The following EFCAB8 variants were observed in gnomAD, a reference collection of about 807,000 sequenced individuals.
EFCAB8 encodes EF-hand calcium binding domain 8.
EFCAB8 carries 100 observed loss-of-function variants against 116.3 expected under a neutral mutation model. That is an observed-to-expected ratio of 0.86 (90% CI 0.73 to 1.02). The LOEUF is 1.02. Ranked by LOEUF, EFCAB8 falls within the 50% of genes least tolerant of loss-of-function variation. The pLI is 0.00. For missense variants in EFCAB8, 1,320 were observed against 1,416.9 expected (o/e 0.93, Z 1.10); for synonymous variants, 558 against 567.9 (o/e 0.98, Z 0.25).
chr20:32,904,501 G>A (rs935241010), intron 11 of EFCAB8, among the ~76,000 whole-genome samples: 3 of 150,162 alleles, frequency 2.0e-5, no homozygotes, highest in Non-Finnish European at 4.4e-5. Context: ...ATCTTGCTGT[G>A]TTGCCCAGGC....
intron 2 of EFCAB8, among the ~76,000 whole-genome samples, chr20:32,866,832 CCTTCCTTCCTTCCTTTCTTT>C: frequency 7.0e-6 from 1 of 143,632 alleles, no homozygotes; most frequent in East Asian, 2.1e-4. Context: ...TTCCTTCCCT[CCTTCCTTCCTTCCTTTCTTT>C]CTCTCTCTCT....
intron 22 of EFCAB8, among the ~76,000 whole-genome samples, chr20:32,940,011 C>CCCTCCCTT (rs1988343849): frequency 3.1e-5 from 2 of 64,634 alleles, no homozygotes; most frequent in Non-Finnish European, 3.0e-5. Context: ...CTGCCTCCCT[C>CCCTCCCTT]CCTCCCTCCC....
intron 7 of EFCAB8, among the ~76,000 whole-genome samples, chr20:32,890,324 C>T (rs900978689): frequency 1.3e-5 from 2 of 152,206 alleles, no homozygotes; most frequent in African/African-American, 2.4e-5. Flanking sequence ...TTTTGGCTCT[C>T]ATCTCAGAAG....
At chr20:32,954,742 T>C (rs1988911383) in intron 23 of EFCAB8, among the ~76,000 whole-genome samples, 1 of 152,182 alleles carries the variant, frequency 6.6e-6, no homozygotes, top group Admixed American at 6.5e-5. Context: ...TTAAAAAAAA[T>C]CATAAATAGG....
chr20:32,939,376 A>G (rs1212447762), intron 22 of EFCAB8, among the ~76,000 whole-genome samples: 3 of 143,780 alleles, frequency 2.1e-5, no homozygotes, highest in Non-Finnish European at 3.0e-5. Flanking sequence ...TCCGCCTCCC[A>G]GGTTCAAACG....
intron 24 of EFCAB8, 68 bp downstream of exon 24, chr20:32,958,618 C>G: frequency 2.4e-6 from 1 of 409,636 alleles, no homozygotes. Context: ...CTTCCCAGGT[C>G]CTGGGAAGCC....
rs546060560 is a variant in EFCAB8 at position 32,938,720 on chromosome 20, A to G, written c.2791-4916A>G. 2.7e-4 allele frequency among the ~76,000 whole-genome samples: 41 copies of G among 150,038 alleles called. 2 individuals are homozygous for G. Among genetic ancestry groups the G allele is most frequent in the Non-Finnish European group, 5.0e-4 (34 of 67,400 alleles). On this transcript the variant is annotated intron_variant, in intron 22 of 26. Transcript: ENST00000400522. The stretch of plus-strand genomic sequence containing the variant: ...TACTTAGGAATAAATTTGGAAAAGT[A>G]GTGCAAAACTTGATTCCTGAAAATT...
In EFCAB8 at chr20:32,943,733, A is replaced by G. The variant is rs1988482791; in HGVS notation, c.2888A>G (p.Asn963Ser). The change falls in exon 23 of 27, where the codon AAC becomes AGC. Residue 963 changes from asparagine to serine, a missense_variant. Transcript: ENST00000400522. ...NSVADILYVDNFQLVISAGQD... is the reference protein window; with the variant it reads ...NSVADILYVDSFQLVISAGQD... ...GTGGCAGACATCCTGTATGTGGACA[A>G]CTTCCAGCTGGTTATCAGCGCTGGC... The G allele has an allele frequency of 2.4e-6, 1 of 416,822 alleles. No homozygotes were observed. 25.8% of individuals were successfully genotyped at this position (416,822 alleles called of 1,614,324 possible). A position where few individuals can be genotyped will look rare whatever the true frequency, so the allele number is the denominator to read the frequency against.
At chr20:32,900,654 C>T (rs145550080) in intron 11 of EFCAB8, among the ~76,000 whole-genome samples, 3,437 of 152,304 alleles carry the variant, frequency 0.023, 106 homozygotes, top group African/African-American at 0.071. Context: ...GCAACCTCCG[C>T]CTCTCGGGTT....
In EFCAB8 at chr20:32,889,352, G is replaced by C. The variant is rs1316561409; in HGVS notation, c.619G>C (p.Val207Leu). The C allele has an allele frequency of 6.4e-7, 1 of 1,551,724 alleles. No individual in the cohort carries two copies. The change falls in exon 7 of 27, where the codon GTA becomes CTA. Residue 207 changes from valine (V) to leucine (L), a missense_variant. Coordinates refer to ENST00000400522, the MANE Select transcript of EFCAB8 (RefSeq NM_001143967.2). The stretch of plus-strand genomic sequence containing the variant: ...CCAGCCGATGTGGGTCATTGACATG[G>C]TATGTCTGCACAATATGAACCTCGT... ...YNQPMWVIDM[V>L]CLHNMNLVAV...
At chr20:32,946,221 C>G (rs1174610379) in intron 23 of EFCAB8, among the ~76,000 whole-genome samples, 3 of 152,208 alleles carry the variant, frequency 2.0e-5, no homozygotes, top group Non-Finnish European at 4.4e-5. Flanking sequence ...AAGACAGAAA[C>G]TGGTTAATCA....
intron 7 of EFCAB8, among the ~76,000 whole-genome samples, chr20:32,890,509 A>G (rs1296684776): frequency 2.6e-5 from 4 of 152,190 alleles, no homozygotes; most frequent in African/African-American, 7.2e-5. Flanking sequence ...CAGGGACTGC[A>G]TCTGTTCTGC....
chr20:32,931,142 G>C (rs1212298326), intron 21 of EFCAB8, 36 bp from the exon 22 acceptor site: 2 of 1,489,778 alleles, frequency 1.3e-6, no homozygotes, highest in Non-Finnish European at 1.8e-6. Flanking sequence ...TCTGGGTCAA[G>C]GGGTGTGAGG....
chr20:32,907,722 T>A (rs754684580), intron 13 of EFCAB8, among the ~76,000 whole-genome samples: 1 of 151,922 alleles, frequency 6.6e-6, no homozygotes, highest in Non-Finnish European at 1.5e-5. Context: ...AGGGTCTGAG[T>A]CTGGGGCATG....
At chr20:32,863,918 G>A in intron 2 of EFCAB8, 84 bp downstream of exon 2, 1 of 1,462,362 alleles carries the variant, frequency 6.8e-7, no homozygotes, top group Non-Finnish European at 9.3e-7. Context: ...TGGAAGTATA[G>A]GTGTTTCTGC....
Position 32,898,340 on chromosome 20 carries a change from C to T in EFCAB8, c.958-153C>T, listed in dbSNP as rs1010620002. The T allele has an allele frequency of 1.5e-4, 89 of 574,604 alleles. 1 individual carries two copies. The highest frequency in any genetic ancestry group is 1.4e-4 in the East Asian group (5 of 35,772). 35.6% of individuals were successfully genotyped at this position (574,604 alleles called of 1,614,324 possible). A position where few individuals can be genotyped will look rare whatever the true frequency, so the allele number is the denominator to read the frequency against. On this transcript the variant is annotated intron_variant, in intron 10 of 26. Coordinates refer to ENST00000400522, the MANE Select transcript of EFCAB8 (RefSeq NM_001143967.2). ...GGTCATAGGACCTGGGCTAGGATTG[C>T]GGGGCCACATCACTTTGTGATCACT...
chr20:32,911,837 T>TATGA, intron 16 of EFCAB8, 130 bp downstream of exon 16: 1 of 870,760 alleles, frequency 1.1e-6, no homozygotes, highest in Non-Finnish European at 1.8e-6. Context: ...GTGGCCTGGC[T>TATGA]TCAAACCTCC....
intron 6 of EFCAB8, among the ~76,000 whole-genome samples, chr20:32,888,544 T>TG (rs1985750083): frequency 1.3e-5 from 2 of 151,830 alleles, no homozygotes; most frequent in Non-Finnish European, 2.9e-5. Flanking sequence ...TTTGTAGAGA[T>TG]GGGGTCTCCC....
At position 32,908,311 on chromosome 20, in the gene EFCAB8, C is replaced by G; in HGVS notation, c.1345C>G (p.Leu449Val). The part of the protein sequence containing the change: ...RVWDMLDYIC[L>V]QSFCGKFFAL... ...GTGGGACATGCTGGACTACATATGC[C>G]TCCAGTCCTTCTGTGGGAAGTTTTT... The change falls in exon 14 of 27, where the codon CTC becomes GTC. Residue 449 changes from leucine (L) to valine (V), a missense_variant. Coordinates refer to ENST00000400522, the MANE Select transcript of EFCAB8 (RefSeq NM_001143967.2). 1 of 1,249,980 alleles carries G rather than the reference C, an allele frequency of 8.0e-7. No homozygotes were observed. Among genetic ancestry groups the G allele is most frequent in the Non-Finnish European group, 1.0e-6 (1 of 988,270 alleles). 77.4% of individuals were successfully genotyped at this position (1,249,980 alleles called of 1,614,324 possible).
Sources: gnomAD v4.1 joint callset for allele counts (sites outside exome capture counted in the v4.1 genomes callset) on GRCh38, gnomAD v4.1.1 for gene constraint, MANE v1.5 for transcripts, NCBI Gene and HGNC (gene_info 2026-07-23, HGNC 2026-07-21) for gene names.